Variants in GRM1 observed in about 807,000 individuals in gnomAD.
The protein encoded by GRM1 is metabotropic glutamate receptor 1.
GRM1 carries 33 observed loss-of-function variants against 90.9 expected under a neutral mutation model. That is an observed-to-expected ratio of 0.36 (90% CI 0.28 to 0.49). The LOEUF is 0.49. Ranked by LOEUF, GRM1 falls within the 20% of genes least tolerant of loss-of-function variation. The probability of loss-of-function intolerance (pLI) is 0.99; values close to 1 mark genes in which losing one functional copy is unlikely to be tolerated. For missense variants in GRM1, 1,190 were observed against 1,534.3 expected (o/e 0.78, Z 3.75); for synonymous variants, 700 against 613.2 (o/e 1.14, Z -2.09).
At chr6:146,396,528 C>G (rs1165583050) in intron 6 of GRM1, among the ~76,000 whole-genome samples, 1 of 152,138 alleles carries the variant, frequency 6.6e-6, no homozygotes, top group Non-Finnish European at 1.5e-5. Flanking sequence ...ACTTCTTAGG[C>G]TTACATGTTC....
intron 3 of GRM1, among the ~76,000 whole-genome samples, chr6:146,319,121 C>CT (rs1400803197): frequency 1.3e-5 from 2 of 152,054 alleles, no homozygotes; most frequent in Non-Finnish European, 1.5e-5. Flanking sequence ...GTTTTTATGA[C>CT]TTCAGGTCTT....
At chr6:146,220,481 A>G (rs1266284170) in intron 2 of GRM1, among the ~76,000 whole-genome samples, 1 of 152,082 alleles carries the variant, frequency 6.6e-6, no homozygotes, top group African/African-American at 2.4e-5. Context: ...ATATCCCAAT[A>G]TTTTGTGTTA....
At chr6:146,140,555 C>T (rs374459593) in intron 1 of GRM1, among the ~76,000 whole-genome samples, 10 of 152,154 alleles carry the variant, frequency 6.6e-5, no homozygotes, top group Non-Finnish European at 1.2e-4. Context: ...AGGCATGAGC[C>T]GCCACACCCA....
chr6:146,155,180 C>T (rs553194157), intron 1 of GRM1, among the ~76,000 whole-genome samples: 3 of 152,282 alleles, frequency 2.0e-5, no homozygotes, highest in East Asian at 1.9e-4. Context: ...GTAATATGTA[C>T]AGCAATGCAC....
chr6:146,384,975 A>G (rs368108794), intron 5 of GRM1, among the ~76,000 whole-genome samples: 1 of 152,038 alleles, frequency 6.6e-6, no homozygotes, highest in Non-Finnish European at 1.5e-5. Context: ...ATTAAAAGCT[A>G]AAAGAAATGA....
At chr6:146,360,975 T>C (rs1321262566) in intron 5 of GRM1, among the ~76,000 whole-genome samples, 2 of 152,126 alleles carry the variant, frequency 1.3e-5, no homozygotes, top group East Asian at 1.9e-4. Context: ...ACTTGGACTA[T>C]TGGAGGAAGG....
intron 1 of GRM1, among the ~76,000 whole-genome samples, chr6:146,104,165 G>A (rs1267315634): frequency 6.6e-6 from 1 of 152,222 alleles, no homozygotes; most frequent in Non-Finnish European, 1.5e-5. Context: ...TGCCAGCTGG[G>A]CGCGGTGGCT....
chr6:146,174,475 A>C (rs2114521319), intron 2 of GRM1, among the ~76,000 whole-genome samples: 1 of 152,336 alleles, frequency 6.6e-6, no homozygotes, highest in South Asian at 2.1e-4. Context: ...GAATTGCAAA[A>C]ATTGTGTCAG....
chr6:146,394,255 T>C (rs1776847058), intron 6 of GRM1, among the ~76,000 whole-genome samples: 1 of 152,150 alleles, frequency 6.6e-6, no homozygotes, highest in Admixed American at 6.5e-5. Context: ...AGTAGCTTAA[T>C]ATAACTAAAT....
intron 2 of GRM1, among the ~76,000 whole-genome samples, chr6:146,182,335 G>C (rs1178695313): frequency 2.0e-5 from 3 of 151,502 alleles, no homozygotes; most frequent in African/African-American, 7.3e-5. Flanking sequence ...ATTTTTAGTA[G>C]AATTCTAAAC....
chr6:146,028,818 G>A (rs1790597174), upstream of GRM1, among the ~76,000 whole-genome samples: 1 of 152,034 alleles, frequency 6.6e-6, no homozygotes, highest in African/African-American at 2.4e-5. Flanking sequence ...ATTTTCTTCT[G>A]AAAAAAAGTT....
intron 3 of GRM1, among the ~76,000 whole-genome samples, chr6:146,339,853 C>T (rs977067928): frequency 6.6e-6 from 1 of 152,184 alleles, no homozygotes; most frequent in African/African-American, 2.4e-5. Flanking sequence ...CGTTGGGCTT[C>T]TGTAACTTGT....
At chr6:146,109,818 G>A (rs547463205) in intron 1 of GRM1, among the ~76,000 whole-genome samples, 9 of 152,348 alleles carry the variant, frequency 5.9e-5, no homozygotes, top group South Asian at 4.1e-4. Flanking sequence ...ATGCATCAGC[G>A]TGATCTGGAT....
chr6:146,089,909 G>T (rs1562456682), intron 1 of GRM1, among the ~76,000 whole-genome samples: 1 of 151,982 alleles, frequency 6.6e-6, no homozygotes, highest in Non-Finnish European at 1.5e-5. Context: ...GGTTACAGGG[G>T]TTATCTCTTC....
intron 3 of GRM1, among the ~76,000 whole-genome samples, chr6:146,336,886 T>C (rs1784788481): frequency 6.6e-6 from 1 of 152,126 alleles, no homozygotes; most frequent in African/African-American, 2.4e-5. Context: ...TCCTAAAGAG[T>C]GATGTCCTGC....
At chr6:146,055,277 A>G (rs1775445677) in intron 1 of GRM1, among the ~76,000 whole-genome samples, 1 of 152,126 alleles carries the variant, frequency 6.6e-6, no homozygotes, top group African/African-American at 2.4e-5. Flanking sequence ...TATGGATACA[A>G]CTGGCACATA....
intron 1 of GRM1, among the ~76,000 whole-genome samples, chr6:146,094,905 C>A (rs1776827710): frequency 1.3e-5 from 2 of 151,940 alleles, no homozygotes; most frequent in Admixed American, 1.3e-4. Context: ...CAAGACAATT[C>A]CTCCAAAGAT....
At chr6:146,235,782 C>T (rs1470045436) in intron 2 of GRM1, among the ~76,000 whole-genome samples, 3 of 141,514 alleles carry the variant, frequency 2.1e-5, no homozygotes, top group Non-Finnish European at 4.6e-5. Context: ...TTGATTTCTT[C>T]CTTATAGTTT....
At chr6:146,053,967 C>A (rs1040621042) in intron 1 of GRM1, among the ~76,000 whole-genome samples, 2 of 151,978 alleles carry the variant, frequency 1.3e-5, no homozygotes, top group Non-Finnish European at 2.9e-5. Flanking sequence ...CCAGTCTGAG[C>A]TAAATCTCAA....
Sources: allele counts gnomAD v4.1 joint callset (sites outside exome capture counted in the v4.1 genomes callset), GRCh38; gene constraint gnomAD v4.1.1; transcripts MANE v1.5; gene names NCBI Gene and HGNC (gene_info 2026-07-23, HGNC 2026-07-21).